The following DNAH17 variants were observed in gnomAD, a reference collection of about 807,000 sequenced individuals.
DNAH17 encodes axonemal beta dynein heavy chain 17.
A neutral mutation model predicts 485.6 loss-of-function variants in DNAH17; 376 were observed. That is an observed-to-expected ratio of 0.77 (90% CI 0.71 to 0.84). DNAH17 has a LOEUF of 0.84. DNAH17 is among the 40% of genes least tolerant of loss of function. The probability of loss-of-function intolerance (pLI) is 0.00; values close to 1 mark genes in which losing one functional copy is unlikely to be tolerated. For synonymous variants in DNAH17, 3,031 were observed against 2,405.9 expected (o/e 1.26, Z -7.60); for missense variants, 6,370 against 5,839.3 (o/e 1.09, Z -2.96).
At chr17:78,537,177 CA>C (rs781147566) in intron 19 of DNAH17, 121 bp downstream of exon 19, 14,973 of 819,258 alleles carry the variant, frequency 0.018, no homozygotes, top group South Asian at 0.027. Context: ...GATTCCGTCT[CA>C]AAAAAAAAAA....
rs767069349 is a variant in DNAH17 at position 78,454,501 on chromosome 17, C to T, written c.10375G>A (p.Glu3459Lys). 4.3e-6 allele frequency: 7 copies of T among 1,613,420 alleles called. No individual in the cohort carries two copies. The South Asian group carries it at 5.5e-5, about 13-fold the overall frequency. ...IKWIKNKYRSELKAIRLGQKS... is the reference protein window; with the variant it reads ...IKWIKNKYRSKLKAIRLGQKS... ...TGTCCCAGGCGGATGGCTTTCAGTT[C>T]ACTCCTGTATTTGTTTTTGATCCAC... The change falls in exon 64 of 81, where the codon GAA becomes AAA. Residue 3459 changes from glutamate (E) to lysine (K), a missense_variant. Transcript: ENST00000389840.
chr17:78,485,721 G>C lies in DNAH17; in HGVS notation c.7312C>G (p.Arg2438Gly), dbSNP rs769324928. Residue 2438 changes from arginine (R) to glycine (G), a missense_variant, in exon 47 of 81, where the codon CGC (arginine) becomes GGC (glycine). Physicochemically the swap from Arg to Gly is moderately radical, Grantham distance 125 (BLOSUM62 -2). Transcript: ENST00000389840. ...LVHTTETIRIRYFMDLLMEKS... is the reference protein window; with the variant it reads ...LVHTTETIRIGYFMDLLMEKS... ...TCCATGAGCAGGTCCATGAAGTAGCGGATGCGGATGGTTTCCGTGGTGTGG... is the reference window on the plus strand; with the variant it reads ...TCCATGAGCAGGTCCATGAAGTAGCCGATGCGGATGGTTTCCGTGGTGTGG... 25 of 1,613,904 alleles carry C rather than the reference G, an allele frequency of 1.5e-5. No individual in the cohort carries two copies. Among genetic ancestry groups the C allele is most frequent in the Non-Finnish European group, 1.9e-5 (22 of 1,179,910 alleles).
At position 78,450,250 on chromosome 17, in the gene DNAH17, G is replaced by A. The variant is rs574749014; in HGVS notation, c.11040+4C>T. ...AGGCACCCAGCCCCAGCTGCAGGGC[G>A]CACCTTGAGGGAGAACTGGTAGACG... On this transcript the variant is annotated splice_donor_region_variant and intron_variant, in intron 68 of 80. Coordinates refer to ENST00000389840, the MANE Select transcript of DNAH17 (RefSeq NM_173628.4). 95 of 1,613,538 alleles carry A rather than the reference G, an allele frequency of 5.9e-5. No individual in the cohort carries two copies. The highest frequency in any genetic ancestry group is 1.3e-4 in the South Asian group (12 of 91,070).
intron 54 of DNAH17, among the ~76,000 whole-genome samples, chr17:78,470,684 G>T (rs369319534): frequency 6.6e-6 from 1 of 152,112 alleles, no homozygotes; most frequent in South Asian, 2.1e-4. Context: ...GTGAGACTCC[G>T]TCTCAAAGAA....
Position 78,556,987 on chromosome 17 carries a change from G to T in DNAH17, c.2178+1121C>A, listed in dbSNP as rs138019950. Among the ~76,000 whole-genome samples, 132 of 152,278 alleles carry T rather than the reference G, an allele frequency of 8.7e-4. 1 individual carries two copies. The highest frequency in any genetic ancestry group is 3.1e-3 in the African/African-American group (129 of 41,552). ...TCCAGGGCCTCGTGCCAGGAAGGAG[G>T]TGCCCTCAACAAGCCCTGTGTTGCT... On this transcript the variant is annotated intron_variant, in intron 14 of 80. Coordinates refer to ENST00000389840, the MANE Select transcript of DNAH17 (RefSeq NM_173628.4).
chr17:78,505,008 C>A (rs145999779), intron 31 of DNAH17, among the ~76,000 whole-genome samples: 3 of 142,630 alleles, frequency 2.1e-5, no homozygotes, highest in African/African-American at 7.9e-5. Context: ...CGGGTTCAAG[C>A]GATTCTCCTG....
At chr17:78,514,671 C>T (rs1289923541) in intron 26 of DNAH17, 103 bp downstream of exon 26, 32 of 1,444,852 alleles carry the variant, frequency 2.2e-5, no homozygotes, top group Non-Finnish European at 2.8e-5. Flanking sequence ...GCTTTACCAG[C>T]ATCGGGCCCT....
intron 70 of DNAH17, among the ~76,000 whole-genome samples, chr17:78,445,242 A>AGGAGGGGAGGCTGGGGGGC (rs2087234359): frequency 7.6e-6 from 1 of 132,074 alleles, no homozygotes; most frequent in African/African-American, 2.9e-5. Context: ...GGCTGGGGGG[A>AGGAGGGGAGGCTGGGGGGC]GGAGGAGAGG....
At chr17:78,508,961 GC>G (rs2090562032) in intron 27 of DNAH17, among the ~76,000 whole-genome samples, 1 of 134,850 alleles carries the variant, frequency 7.4e-6, no homozygotes, top group Non-Finnish European at 1.6e-5. Flanking sequence ...GTCATCATGT[GC>G]CCAGCTGTTT....
intron 14 of DNAH17, among the ~76,000 whole-genome samples, chr17:78,555,081 T>C (rs1369188894): frequency 1.3e-5 from 2 of 152,202 alleles, no homozygotes; most frequent in Non-Finnish European, 2.9e-5. Context: ...CTTCCACCCA[T>C]GCCTTCGAAT....
At position 78,567,069 on chromosome 17, in the gene DNAH17, T is replaced by C. The variant is rs536543161; in HGVS notation, c.1382A>G (p.Tyr461Cys). 3.1e-6 allele frequency: 5 copies of C among 1,613,612 alleles called. No individual in the cohort carries two copies. The highest frequency in any genetic ancestry group is 2.2e-5 in the South Asian group (2 of 90,978). ...CTTCACCAGCTCAAAGACCTCATCA[T>C]AGATACGGGTCACCAGGCTCCCGAG... ...NLLGSLVTRI[Y>C]DEVFELVKVF... The change falls in exon 10 of 81, where the codon TAT becomes TGT. Residue 461 changes from tyrosine to cysteine, a missense_variant. Physicochemically the swap from Tyr to Cys is radical, Grantham distance 194. Coordinates refer to ENST00000389840, the MANE Select transcript of DNAH17 (RefSeq NM_173628.4).
chr17:78,437,485 T>C (rs550491598), intron 74 of DNAH17, among the ~76,000 whole-genome samples, 156 bp downstream of exon 74: 4 of 152,322 alleles, frequency 2.6e-5, no homozygotes, highest in Non-Finnish European at 2.9e-5. Flanking sequence ...TAGAAATACA[T>C]TGATTTTGAC....
rs545739046 is a variant in DNAH17 at position 78,429,235 on chromosome 17, G to C, written c.12291C>G (p.Asp4097Glu). 6.2e-7 allele frequency: 1 copy of C among 1,613,812 alleles called. No homozygotes were observed. Among genetic ancestry groups the C allele is most frequent in the African/African-American group, 1.3e-5 (1 of 74,934 alleles). Reference sequence around the variant, plus strand: ...AGGTCCTGCACAGCCGACGGTCCCAGTCATCTGTGATGTGGCCGCCATACA... The same window carrying C: ...AGGTCCTGCACAGCCGACGGTCCCACTCATCTGTGATGTGGCCGCCATACA... The part of the protein sequence containing the change: ...EIMYGGHITD[D>E]WDRRLCRTYL... The change falls in exon 76 of 81, where the codon GAC becomes GAG. Residue 4097 changes from aspartate to glutamate, a missense_variant. Physicochemically the swap from Asp to Glu is conservative, Grantham distance 45 (BLOSUM62 2). Coordinates refer to ENST00000389840, the MANE Select transcript of DNAH17 (RefSeq NM_173628.4).
At chr17:78,480,177 C>T (rs541112596) in intron 49 of DNAH17, among the ~76,000 whole-genome samples, 68 of 151,726 alleles carry the variant, frequency 4.5e-4, no homozygotes, top group African/African-American at 1.4e-3. Context: ...GGTGAAACCC[C>T]GTCCCTACTA....
chr17:78,556,942 C>G (rs2092036546), intron 14 of DNAH17, among the ~76,000 whole-genome samples: 1 of 152,334 alleles, frequency 6.6e-6, no homozygotes. Context: ...TACCATTGCC[C>G]TCCGGTTCCC....
At chr17:78,517,081 C>T (rs1024755831) in intron 25 of DNAH17, among the ~76,000 whole-genome samples, 10 of 152,166 alleles carry the variant, frequency 6.6e-5, no homozygotes, top group African/African-American at 1.4e-4. Flanking sequence ...CTCACTCTGT[C>T]GCCCAGGCTG....
At chr17:78,456,817 C>T (rs912552253) in intron 62 of DNAH17, among the ~76,000 whole-genome samples, 1 of 152,156 alleles carries the variant, frequency 6.6e-6, no homozygotes, top group Non-Finnish European at 1.5e-5. Flanking sequence ...CGGGGCACCA[C>T]CCTGAAGACC....
chr17:78,544,033 T>A, intron 16 of DNAH17, 36 bp from the exon 17 acceptor site: 2 of 1,612,950 alleles, frequency 1.2e-6, no homozygotes, highest in South Asian at 2.2e-5. Context: ...AAAGGTGTTC[T>A]GGAGAAACTG....
chr17:78,430,041 G>A (rs1044586222), intron 75 of DNAH17, among the ~76,000 whole-genome samples: 2 of 152,144 alleles, frequency 1.3e-5, no homozygotes, highest in East Asian at 1.9e-4. Context: ...CCCCGCCGCC[G>A]TTCCCACTCC....
Sources: allele counts gnomAD v4.1 joint callset (sites outside exome capture counted in the v4.1 genomes callset), GRCh38; gene constraint gnomAD v4.1.1; transcripts MANE v1.5; gene names NCBI Gene and HGNC (gene_info 2026-07-23, HGNC 2026-07-21).